PPARGC1A: variants seen among roughly 807,000 people sequenced by gnomAD.
The protein encoded by PPARGC1A is PPARG coactivator 1 alpha, also known as peroxisome proliferator-activated receptor gamma coactivator 1-alpha.
Under a neutral mutation model 88.7 loss-of-function variants are expected in PPARGC1A, and 25 were observed. The observed-to-expected ratio is 0.28, with a 90% CI of 0.21 to 0.39. The LOEUF is 0.39. Among genes scored for constraint, PPARGC1A ranks in the 10% least tolerant of loss-of-function variants. The pLI, the probability that PPARGC1A is intolerant of heterozygous loss-of-function variation, is 1.00. For synonymous variants in PPARGC1A, 363 were observed against 355.6 expected, an observed-to-expected ratio of 1.02 and a Z score of -0.24; for missense variants, 880 against 968.7, an observed-to-expected ratio of 0.91 and a Z score of 1.22.
chr4:24,255,047 G>A, the PPARGC1A span, among the ~76,000 whole-genome samples: 2 of 152,214 alleles, frequency 1.3e-5, no homozygotes, highest in Non-Finnish European at 2.9e-5. Flanking sequence ...AGGGGAAAAT[G>A]TCTGCAAATT....
At chr4:24,444,893 AGTT>A in the PPARGC1A span, among the ~76,000 whole-genome samples, 1 of 152,070 alleles carries the variant, frequency 6.6e-6, no homozygotes, top group Non-Finnish European at 1.5e-5. Context: ...TCTCTAGAAA[AGTT>A]GTAAAAATTA....
chr4:24,164,669 G>T, the PPARGC1A span, among the ~76,000 whole-genome samples: 2 of 152,312 alleles, frequency 1.3e-5, no homozygotes, highest in South Asian at 4.1e-4. Context: ...TAGCCTTAGA[G>T]AATCTGTTTT....
chr4:24,134,430 T>A, the PPARGC1A span, among the ~76,000 whole-genome samples: 1 of 152,262 alleles, frequency 6.6e-6, no homozygotes, highest in Non-Finnish European at 1.5e-5. Context: ...ACGCTTCATT[T>A]TGATTGCTGC....
chr4:24,137,094 A>G, the PPARGC1A span, among the ~76,000 whole-genome samples: 1 of 150,272 alleles, frequency 6.7e-6, no homozygotes, highest in African/African-American at 2.5e-5. Context: ...AGCCCGGGTG[A>G]CACAGCGAGA....
the PPARGC1A span, among the ~76,000 whole-genome samples, chr4:24,201,353 C>T: frequency 6.6e-6 from 1 of 152,232 alleles, no homozygotes; most frequent in Non-Finnish European, 1.5e-5. Context: ...ACCCTCACCC[C>T]CACTAACACA....
At chr4:24,295,504 C>T in the PPARGC1A span, among the ~76,000 whole-genome samples, 2 of 151,972 alleles carry the variant, frequency 1.3e-5, no homozygotes, top group African/African-American at 4.8e-5. Context: ...GGACTAGAAT[C>T]CTGGGCACCA....
the PPARGC1A span, among the ~76,000 whole-genome samples, chr4:24,245,892 G>T: frequency 1.3e-5 from 2 of 150,752 alleles, no homozygotes; most frequent in East Asian, 2.0e-4. Context: ...TTAGTACATG[G>T]TTTGTTTGCT....
At chr4:24,111,957 G>A in the PPARGC1A span, among the ~76,000 whole-genome samples, 96 of 152,226 alleles carry the variant, frequency 6.3e-4, no homozygotes, top group African/African-American at 2.1e-3. Flanking sequence ...ACATTATTAA[G>A]AGAACTATTA....
At chr4:24,131,907 A>G in the PPARGC1A span, among the ~76,000 whole-genome samples, 1 of 152,312 alleles carries the variant, frequency 6.6e-6, no homozygotes, top group African/African-American at 2.4e-5. Context: ...TCATTCCACC[A>G]GATTGTTAAG....
At chr4:24,276,757 A>C in the PPARGC1A span, among the ~76,000 whole-genome samples, 4 of 152,214 alleles carry the variant, frequency 2.6e-5, no homozygotes, top group Non-Finnish European at 4.4e-5. Context: ...TTATCAGATG[A>C]TGTCTTGTTA....
chr4:23,909,345 C>T, the PPARGC1A span, among the ~76,000 whole-genome samples: 5 of 152,212 alleles, frequency 3.3e-5, no homozygotes, highest in South Asian at 4.1e-4. Flanking sequence ...TGGTGCCCTA[C>T]GTTGGGCTTG....
the PPARGC1A span, among the ~76,000 whole-genome samples, chr4:24,402,657 A>G: frequency 6.6e-6 from 1 of 152,210 alleles, no homozygotes; most frequent in African/African-American, 2.4e-5. Context: ...TAAAACGGCA[A>G]ATGTAGCAAC....
At chr4:23,962,038 A>G in the PPARGC1A span, among the ~76,000 whole-genome samples, 7 of 152,152 alleles carry the variant, frequency 4.6e-5, no homozygotes, top group Non-Finnish European at 7.3e-5. Context: ...CAGTACGAAA[A>G]GGGTTAGGGG....
the PPARGC1A span, among the ~76,000 whole-genome samples, chr4:24,367,473 G>A: frequency 6.6e-6 from 1 of 152,158 alleles, no homozygotes; most frequent in African/African-American, 2.4e-5. Context: ...AATGGGCTTT[G>A]CAATGAGCTC....
the PPARGC1A span, among the ~76,000 whole-genome samples, chr4:24,277,895 G>T: frequency 6.6e-6 from 1 of 152,064 alleles, no homozygotes; most frequent in Non-Finnish European, 1.5e-5. Context: ...ATAATAAGGG[G>T]TGGGTGTGGT....
chr4:24,098,476 C>T, the PPARGC1A span, among the ~76,000 whole-genome samples: 1 of 152,070 alleles, frequency 6.6e-6, no homozygotes, highest in Non-Finnish European at 1.5e-5. Flanking sequence ...GCTTCTATTA[C>T]AAAAAAGAAC....
the PPARGC1A span, among the ~76,000 whole-genome samples, chr4:24,047,731 A>G: frequency 3.3e-5 from 5 of 152,160 alleles, no homozygotes; most frequent in African/African-American, 7.2e-5. Flanking sequence ...GAGAACCACC[A>G]AGCAAGTAAA....
the PPARGC1A span, among the ~76,000 whole-genome samples, chr4:23,954,029 T>C: frequency 1.3e-5 from 2 of 151,906 alleles, no homozygotes; most frequent in Non-Finnish European, 2.9e-5. Flanking sequence ...TAACCCCTTA[T>C]ACTAAGTATT....
chr4:24,366,265 G>C, the PPARGC1A span, among the ~76,000 whole-genome samples: 1 of 152,070 alleles, frequency 6.6e-6, no homozygotes, highest in Non-Finnish European at 1.5e-5. Context: ...GAGAGTTATC[G>C]TTTATGTAGC....
Sources: allele counts gnomAD v4.1 joint callset (sites outside exome capture counted in the v4.1 genomes callset), GRCh38; gene constraint gnomAD v4.1.1; transcripts MANE v1.5; gene names NCBI Gene and HGNC (gene_info 2026-07-23, HGNC 2026-07-21).